Variants in USP49 observed in about 807,000 individuals in gnomAD.
USP49 encodes ubiquitin carboxyl-terminal hydrolase 49.
In USP49, 24 loss-of-function variants were observed where a neutral mutation model predicts 58.6. The ratio of observed to expected loss-of-function variants is 0.41; its 90% CI spans 0.30 to 0.58. The LOEUF is 0.58. USP49 is among the 20% of genes least tolerant of loss of function. USP49 has a pLI of 0.30. For synonymous variants in USP49, 408 were observed against 365.1 expected, an observed-to-expected ratio of 1.12 and a Z score of -1.34; for missense variants, 703 against 866.1, an observed-to-expected ratio of 0.81 and a Z score of 2.36.
chr6:41,811,539 C>T (rs1208919631), intron 3 of USP49, among the ~76,000 whole-genome samples: 2 of 152,096 alleles, frequency 1.3e-5, no homozygotes, highest in African/African-American at 4.8e-5. Flanking sequence ...AACATATCCC[C>T]TAAGGATAAG....
chr6:41,885,812 G>A (rs1235857645), intron 2 of USP49, among the ~76,000 whole-genome samples: 1 of 152,126 alleles, frequency 6.6e-6, no homozygotes, highest in African/African-American at 2.4e-5. Flanking sequence ...AAAAAAGAGA[G>A]AGTCTCCCAC....
intron 3 of USP49, among the ~76,000 whole-genome samples, chr6:41,813,779 T>C (rs1773301741): frequency 1.3e-5 from 2 of 152,180 alleles, no homozygotes; most frequent in African/African-American, 4.8e-5. Flanking sequence ...AAAACATGTA[T>C]GATCATGAAA....
intron 5 of USP49, among the ~76,000 whole-genome samples, chr6:41,800,930 C>A (rs1483243605): frequency 6.6e-6 from 1 of 152,186 alleles, no homozygotes; most frequent in African/African-American, 2.4e-5. Flanking sequence ...ACAAAGCTGA[C>A]AGGTAGGCTA....
At position 41,805,825 on chromosome 6, in the gene USP49, T is replaced by C; in HGVS notation, c.1159A>G (p.Ser387Gly). 1 of 1,613,880 alleles carries C rather than the reference T, an allele frequency of 6.2e-7. No homozygotes were observed. The highest frequency in any genetic ancestry group is 8.5e-7 in the Non-Finnish European group (1 of 1,179,978). Residue 387 changes from serine to glycine, a missense_variant, in exon 4 of 8, where the codon AGC becomes GGC. This residue lies in a region of USP49 where 66 missense variants were observed against 116.0 expected (regional missense o/e 0.57). Coordinates refer to ENST00000682992, the MANE Select transcript of USP49 (RefSeq NM_001286554.2). ...TAGCCGCGGAAGGCAGGGATCAGGC[T>C]CCACACTGAGTGGAGCATGGCGAAG... ...SPFAMLHSVW[S>G]LIPAFRGYDQ...
intron 3 of USP49, among the ~76,000 whole-genome samples, chr6:41,856,535 C>T (rs901955141): frequency 5.3e-5 from 8 of 152,142 alleles, no homozygotes; most frequent in Non-Finnish European, 7.4e-5. Context: ...ACTCCGAAGA[C>T]AAGCTAACAT....
intron 3 of USP49, among the ~76,000 whole-genome samples, chr6:41,838,402 T>TATTATCC (rs1174037398): frequency 6.6e-6 from 1 of 152,164 alleles, no homozygotes; most frequent in East Asian, 1.9e-4. Context: ...GAGCAGGTGC[T>TATTATCC]ATTATCCATG....
At chr6:41,864,271 G>GA (rs1306676470) in intron 3 of USP49, among the ~76,000 whole-genome samples, 1 of 152,036 alleles carries the variant, frequency 6.6e-6, no homozygotes, top group East Asian at 1.9e-4. Flanking sequence ...CATAAGGACA[G>GA]AAAAAATAGG....
chr6:41,836,527 T>A (rs1261268896), intron 3 of USP49, among the ~76,000 whole-genome samples: 1 of 151,802 alleles, frequency 6.6e-6, no homozygotes, highest in African/African-American at 2.4e-5. Flanking sequence ...ACCAGAACAA[T>A]CAGGCAAGAA....
In USP49 at chr6:41,806,683, C is replaced by A; in HGVS notation, c.301G>T (p.Ala101Ser). 1 of 1,614,186 alleles carries A rather than the reference C, an allele frequency of 6.2e-7. No homozygotes were observed. The highest frequency in any genetic ancestry group is 8.5e-7 in the Non-Finnish European group (1 of 1,180,046). The stretch of plus-strand genomic sequence containing the variant: ...GTGTCCTGTTTCTGGCCCCGGACCG[C>A]CAGGAGGGAGCTTCTTAGCAGCTTC... Reference protein sequence around the residue: ...DLKLLRSSLLAVRGQKQDTPV... With the variant: ...DLKLLRSSLLSVRGQKQDTPV... Residue 101 changes from alanine (A) to serine (S), a missense_variant, in exon 4 of 8, where the codon GCG (alanine) becomes TCG (serine). Coordinates refer to ENST00000682992, the MANE Select transcript of USP49 (RefSeq NM_001286554.2). This position sits in a 1 kb window ranked among gnomAD's most constrained non-coding sequence, Gnocchi z 5.9.
rs144041787 is a variant in USP49, at chr6:41,855,893, C to T, written c.-29+15671G>A. On this transcript the variant is annotated intron_variant, in intron 3 of 7. Coordinates refer to ENST00000682992, the MANE Select transcript of USP49 (RefSeq NM_001286554.2). ...CGAAACCCCGTCTCTACTAAAAATA[C>T]AAAAATTAGCTGAGCATGGTGGTGC... is the stretch of plus-strand genomic sequence containing the variant. 6.1e-3 allele frequency among the ~76,000 whole-genome samples: 931 copies of T among 151,504 alleles called. 7 individuals are homozygous for T. Among genetic ancestry groups the T allele is most frequent in the African/African-American group, 0.02 (812 of 41,286 alleles).
chr6:41,805,068 T>C (rs1426600058), intron 4 of USP49, among the ~76,000 whole-genome samples: 1 of 152,196 alleles, frequency 6.6e-6, no homozygotes, highest in Non-Finnish European at 1.5e-5. Flanking sequence ...TTTTTAACTA[T>C]AGAAATACTC....
chr6:41,806,766 T>C lies in USP49; in HGVS notation c.218A>G (p.Tyr73Cys). The C allele has an allele frequency of 1.9e-6, 3 of 1,614,222 alleles. No homozygotes were observed. The highest frequency in any genetic ancestry group is 2.5e-6 in the Non-Finnish European group (3 of 1,180,022). Reference sequence around the variant, plus strand: ...GTCCTTGCACAGGTAACAGAACACGTAGAGATCCCGGACTTCCATGGCTAG... The same window carrying C: ...GTCCTTGCACAGGTAACAGAACACGCAGAGATCCCGGACTTCCATGGCTAG... ...HPLAMEVRDL[Y>C]VFCYLCKDYV... is the part of the protein sequence containing the mutation. Residue 73 changes from tyrosine to cysteine, a missense_variant, in exon 4 of 8, where the codon TAC (tyrosine) becomes TGC (cysteine). Tyr to Cys is a radical substitution (Grantham distance 194). This residue lies in a region of USP49 where 376 missense variants were observed against 373.5 expected (regional missense o/e 1.01). Transcript: ENST00000682992. This position sits in a 1 kb window ranked among gnomAD's most constrained non-coding sequence, Gnocchi z 5.9.
intron 3 of USP49, among the ~76,000 whole-genome samples, chr6:41,836,597 A>G (rs1366513348): frequency 6.6e-6 from 1 of 152,214 alleles, no homozygotes; most frequent in African/African-American, 2.4e-5. Flanking sequence ...TGCAGATGAT[A>G]TAATGTTATA....
At chr6:41,850,372 G>A (rs1473163788) in intron 3 of USP49, among the ~76,000 whole-genome samples, 2 of 151,692 alleles carry the variant, frequency 1.3e-5, no homozygotes, top group Non-Finnish European at 2.9e-5. Flanking sequence ...GAACCTGGGA[G>A]GCAGAGGTTG....
At chr6:41,846,678 T>C (rs1773929078) in intron 3 of USP49, among the ~76,000 whole-genome samples, 1 of 152,174 alleles carries the variant, frequency 6.6e-6, no homozygotes, top group Non-Finnish European at 1.5e-5. Flanking sequence ...CAAAAGGAGA[T>C]TACAGCAAAA....
At chr6:41,809,713 C>A (rs1484924960) in intron 3 of USP49, among the ~76,000 whole-genome samples, 1 of 146,878 alleles carries the variant, frequency 6.8e-6, no homozygotes, top group Non-Finnish European at 1.5e-5. Context: ...GTGGTCCCAA[C>A]CTACTCAGGA....
intron 3 of USP49, among the ~76,000 whole-genome samples, chr6:41,836,620 A>T (rs762749817): frequency 1.1e-4 from 16 of 152,208 alleles, no homozygotes; most frequent in Non-Finnish European, 2.2e-4. Flanking sequence ...TAGATCTTGG[A>T]CAAGGTAGCA....
Position 41,880,378 on chromosome 6 carries a change from G to A in USP49, c.-102-8741C>T, listed in dbSNP as rs549550156. Reference sequence around the variant, plus strand: ...AGGAGGAAAAGGAAGAGATTGGTTAGAATTTAAAAATTCAAGAAAATTTCC... The same window carrying A: ...AGGAGGAAAAGGAAGAGATTGGTTAAAATTTAAAAATTCAAGAAAATTTCC... On this transcript the variant is annotated intron_variant, in intron 2 of 7. Coordinates refer to ENST00000682992, the MANE Select transcript of USP49 (RefSeq NM_001286554.2). Among the ~76,000 whole-genome samples the A allele has an allele frequency of 7.2e-3, 1,089 of 152,152 alleles. 6 individuals carry two copies. The highest frequency in any genetic ancestry group is 0.025 in the African/African-American group (1,037 of 41,500).
At chr6:41,860,600 C>T (rs1440509511) in intron 3 of USP49, among the ~76,000 whole-genome samples, 4 of 152,000 alleles carry the variant, frequency 2.6e-5, no homozygotes, top group Admixed American at 6.6e-5. Flanking sequence ...CTCCACTTCC[C>T]GGGTTCAAGT....
Sources: allele counts gnomAD v4.1 joint callset (sites outside exome capture counted in the v4.1 genomes callset), GRCh38; gene constraint gnomAD v4.1.1; regional missense constraint gnomAD v4.1.1; non-coding constraint Gnocchi (gnomAD v3.1); transcripts MANE v1.5; gene names NCBI Gene and HGNC (gene_info 2026-07-23, HGNC 2026-07-21).